Variants in NFX1 observed in about 807,000 individuals in gnomAD.
The protein encoded by NFX1 is nuclear transcription factor, X-box binding 1.
A neutral mutation model predicts 137.2 loss-of-function variants in NFX1; 69 were observed. The observed-to-expected ratio is 0.50, with a 90% CI of 0.41 to 0.61. The LOEUF (loss-of-function observed/expected upper bound fraction) is 0.61. Ranked by LOEUF, NFX1 falls within the 20% of genes least tolerant of loss-of-function variation. NFX1 has a pLI of 0.00. For synonymous variants in NFX1, 495 were observed against 474.1 expected, an observed-to-expected ratio of 1.04 and a Z score of -0.57; for missense variants, 1,167 against 1,391.0, an observed-to-expected ratio of 0.84 and a Z score of 2.56.
At position 33,347,091 on chromosome 9, in the gene NFX1, C is replaced by T; in HGVS notation, c.2398C>T (p.Gln800Ter). The T allele has an allele frequency of 6.2e-7, 1 of 1,613,502 alleles. No individual in the cohort carries two copies. Residue 800 changes from glutamine to a stop codon, truncating the protein, a stop_gained, in exon 15 of 24, where the codon CAG (glutamine) becomes TAG (stop). Transcript: ENST00000379540. LOFTEE classifies it high-confidence loss of function. ...GTGTCCCCCTTGCACTTTCCTAACTCAGAAGTGGTGCATGGGCAAGCATGA... is the reference window on the plus strand; with the variant it reads ...GTGTCCCCCTTGCACTTTCCTAACTTAGAAGTGGTGCATGGGCAAGCATGA... ...EKCPPCTFLT[Q>*]KWCMGKHEFR...
intron 7 of NFX1, among the ~76,000 whole-genome samples, chr9:33,317,182 G>C (rs1263269405): frequency 6.6e-6 from 1 of 151,892 alleles, no homozygotes; most frequent in Non-Finnish European, 1.5e-5. Context: ...ACTTTAGGAG[G>C]CCAGGATGGG....
Position 33,319,992 on chromosome 9 carries a change from C to T in NFX1, c.1906+865C>T, listed in dbSNP as rs1461803949. 8.0e-5 allele frequency among the ~76,000 whole-genome samples: 12 copies of T among 149,072 alleles called. 1 individual carries two copies. In the East Asian group the frequency reaches 1.6e-3, roughly 19 times the overall value. On this transcript the variant is annotated intron_variant, in intron 9 of 23. Coordinates refer to ENST00000379540, the MANE Select transcript of NFX1 (RefSeq NM_002504.6). ...TTTTTTTTTTTTTGAGACAGAGTCT[C>T]GCTCTGTTGCCCAGGCTAGAGTGCA... is the stretch of plus-strand genomic sequence containing the variant.
Position 33,366,623 on chromosome 9 carries a change from A to G in NFX1, c.3040-6A>G, listed in dbSNP as rs201981020. The G allele has an allele frequency of 1.2e-6, 2 of 1,613,816 alleles. No homozygotes were observed. The highest frequency in any genetic ancestry group is 1.7e-5 in the Admixed American group (1 of 60,014). Reference sequence around the variant, plus strand: ...GATCAATCAGTCATCTTTTCCCTCAATACAGGGAAAGAATAGTAAGAAAAG... The same window carrying G: ...GATCAATCAGTCATCTTTTCCCTCAGTACAGGGAAAGAATAGTAAGAAAAG... On this transcript the variant is annotated splice_region_variant and splice_polypyrimidine_tract_variant and intron_variant, in intron 21 of 23. Coordinates refer to ENST00000379540, the MANE Select transcript of NFX1 (RefSeq NM_002504.6).
intron 2 of NFX1, among the ~76,000 whole-genome samples, chr9:33,295,733 AT>A (rs957851591): frequency 6.8e-6 from 1 of 147,968 alleles, no homozygotes; most frequent in African/African-American, 2.5e-5. Flanking sequence ...TGGTTACAAG[AT>A]TTTTTTTGAG....
At chr9:33,290,723 C>CCCTTCCGAGCCACTA in intron 1 of NFX1, 126 bp downstream of exon 1, 2 of 896,654 alleles carry the variant, frequency 2.2e-6, no homozygotes, top group Non-Finnish European at 3.3e-6. Context: ...AGGATAGTGG[C>CCCTTCCGAGCCACTA]TCGGAAGGGC....
intron 9 of NFX1, among the ~76,000 whole-genome samples, chr9:33,323,259 TA>T (rs1564119912): frequency 6.6e-6 from 1 of 151,772 alleles, no homozygotes; most frequent in Non-Finnish European, 1.5e-5. Flanking sequence ...ACAAAACAAA[TA>T]AATAAGCAAC....
chr9:33,347,250 TTTC>T (rs1823457283), intron 15 of NFX1, 133 bp downstream of exon 15: 1 of 660,016 alleles, frequency 1.5e-6, no homozygotes, highest in Admixed American at 3.0e-5. Context: ...TTAAAAATTT[TTTC>T]TTAAGATATA....
At position 33,295,244 on chromosome 9, in the gene NFX1, G is replaced by A. The variant is rs780911637; in HGVS notation, c.850G>A (p.Asp284Asn). Residue 284 changes from aspartate (D) to asparagine (N), a missense_variant, in exon 2 of 24, where the codon GAT becomes AAT. Asp to Asn is a conservative substitution (Grantham distance 23, BLOSUM62 1). Coordinates refer to ENST00000379540, the MANE Select transcript of NFX1 (RefSeq NM_002504.6). ...AAACAACATGGGCCCCATTCCAAAG[G>A]ATGACCTCAATGAAAGACCAGCAAA... Reference protein sequence around the residue: ...HRNNMGPIPKDDLNERPAKST... With the variant: ...HRNNMGPIPKNDLNERPAKST... 3.1e-6 allele frequency: 5 copies of A among 1,613,912 alleles called. No homozygotes were observed. The African/African-American group carries it at 6.7e-5, about 22-fold the overall frequency.
At chr9:33,320,870 G>A (rs749767278) in intron 9 of NFX1, among the ~76,000 whole-genome samples, 1 of 152,198 alleles carries the variant, frequency 6.6e-6, no homozygotes, top group African/African-American at 2.4e-5. Context: ...TCTTTCAAGT[G>A]CCAGCGTGAA....
Position 33,367,562 on chromosome 9 carries a change from G to A in NFX1, c.3233G>A (p.Arg1078Lys), listed in dbSNP as rs757878976. ...ACCACGCTGACAGGTGTGCTTGAAA[G>A]GGAAATGCAGGCACGGCCTCCACCA... ...PPTTLTGVLE[R>K]EMQARPPPPI... is the part of the protein sequence containing the mutation. The change falls in exon 23 of 24, where the codon AGG becomes AAG. Residue 1078 changes from arginine to lysine, a missense_variant. This residue lies in a region of NFX1 where 312 missense variants were observed against 312.8 expected (regional missense o/e 1.00). Coordinates refer to ENST00000379540, the MANE Select transcript of NFX1 (RefSeq NM_002504.6). 6.2e-7 allele frequency: 1 copy of A among 1,613,832 alleles called. No homozygotes were observed. Among genetic ancestry groups the A allele is most frequent in the Non-Finnish European group, 8.5e-7 (1 of 1,179,876 alleles).
intron 1 of NFX1, among the ~76,000 whole-genome samples, chr9:33,290,826 C>T (rs1821130953): frequency 6.6e-6 from 1 of 152,246 alleles, no homozygotes; most frequent in African/African-American, 2.4e-5. Flanking sequence ...GAGGACTTGT[C>T]CCGGCGCTGC....
At chr9:33,365,794 T>C (rs1824152355) in intron 21 of NFX1, 1 of 152,146 alleles carries the variant, frequency 6.6e-6, no homozygotes, top group Non-Finnish European at 1.5e-5. Context: ...CACTGTTCTT[T>C]ATAATTCCAA....
chr9:33,341,971 C>T (rs1387315955), intron 12 of NFX1, among the ~76,000 whole-genome samples: 5 of 151,724 alleles, frequency 3.3e-5, no homozygotes. Context: ...CAAAACTTAC[C>T]TGGACATTGT....
chr9:33,341,318 C>G (rs989735708), intron 12 of NFX1, among the ~76,000 whole-genome samples: 1 of 152,152 alleles, frequency 6.6e-6, no homozygotes, highest in African/African-American at 2.4e-5. Flanking sequence ...GCCATTAGAT[C>G]TCATGAGACT....
In NFX1 at chr9:33,318,949, C is replaced by T; in HGVS notation, c.1728C>T (p.Cys576=). 1 of 1,614,240 alleles carries T rather than the reference C, an allele frequency of 6.2e-7. No homozygotes were observed. The highest frequency in any genetic ancestry group is 8.5e-7 in the Non-Finnish European group (1 of 1,180,046). The change falls in exon 9 of 24, where the codon TGC becomes TGT. Residue 576 remains cysteine (C), a synonymous_variant. Coordinates refer to ENST00000379540, the MANE Select transcript of NFX1 (RefSeq NM_002504.6). ...KCGNHTCSQV[C]HPQPCQQCPR... is the part of the protein sequence containing the mutation. ...GTAACCATACATGTTCGCAAGTGTG[C>T]CACCCTCAGCCCTGCCAGCAATGCC...
intron 3 of NFX1, among the ~76,000 whole-genome samples, chr9:33,301,997 A>G (rs1821585491): frequency 6.6e-6 from 1 of 152,198 alleles, no homozygotes; most frequent in South Asian, 2.1e-4. Flanking sequence ...GCTTGAATCC[A>G]GGAGGTGGAG....
intron 9 of NFX1, among the ~76,000 whole-genome samples, chr9:33,323,131 G>A (rs1822447201): frequency 6.6e-6 from 1 of 152,160 alleles, no homozygotes; most frequent in African/African-American, 2.4e-5. Flanking sequence ...AGCCCTGCTT[G>A]AAACGACTGT....
rs929361341 is a variant in NFX1, at chr9:33,370,582, T to C, written c.*604T>C. On this transcript the variant is annotated 3_prime_UTR_variant, in exon 24 of 24. Coordinates refer to ENST00000379540, the MANE Select transcript of NFX1 (RefSeq NM_002504.6). ...GCTGAACTTATTTTGGCATTTTCAA[T>C]GTGATCAGTTCTAGACCTAGAAGGG... 9 of 152,512 alleles carry C rather than the reference T, an allele frequency of 5.9e-5. No homozygotes were observed. The highest frequency in any genetic ancestry group is 3.9e-4 in the Admixed American group (6 of 15,300). The allele number at this position is 152,512 out of a possible 1,614,324, so 9.4% of individuals were successfully genotyped here.
At chr9:33,293,374 G>T (rs563603922) in intron 1 of NFX1, among the ~76,000 whole-genome samples, 1 of 152,326 alleles carries the variant, frequency 6.6e-6, no homozygotes, top group South Asian at 2.1e-4. Flanking sequence ...GCTCAAGCCT[G>T]TGTGTTTCAG....
Sources: allele counts gnomAD v4.1 joint callset (sites outside exome capture counted in the v4.1 genomes callset), GRCh38; gene constraint gnomAD v4.1.1; regional missense constraint gnomAD v4.1.1; transcripts MANE v1.5; gene names NCBI Gene and HGNC (gene_info 2026-07-23, HGNC 2026-07-21).